The following PEDS1 variants were observed in gnomAD, a reference collection of about 807,000 sequenced individuals.
The protein encoded by PEDS1 is plasmanylethanolamine desaturase 1.
PEDS1 carries 14 observed loss-of-function variants against 35.2 expected under a neutral mutation model. The observed-to-expected ratio is 0.40, with a 90% CI of 0.26 to 0.62. PEDS1 has a LOEUF of 0.62. Ranked by LOEUF, PEDS1 falls within the 20% of genes least tolerant of loss-of-function variation. PEDS1 has a pLI of 0.44. For missense variants in PEDS1, 260 were observed against 367.8 expected (o/e 0.71, Z 2.40); for synonymous variants, 152 against 152.0 (o/e 1.00, Z 0.00).
chr20:50,133,726 C>T (rs556875609), intron 2 of PEDS1, among the ~76,000 whole-genome samples: 2 of 152,272 alleles, frequency 1.3e-5, no homozygotes, highest in Non-Finnish European at 2.9e-5. Context: ...CTGGCTAAAG[C>T]CATCCTTCCG....
intron 1 of PEDS1, chr20:50,151,178 T>C: frequency 8.3e-7 from 1 of 1,209,010 alleles, no homozygotes; most frequent in Non-Finnish European, 1.1e-6. Context: ...GAAAGGAAGT[T>C]GGAGAAACCA....
At position 50,123,143 on chromosome 20, in the gene PEDS1, C is replaced by T. The variant is rs2081065350; in HGVS notation, c.*1915G>A. On this transcript the variant is annotated 3_prime_UTR_variant, in exon 6 of 6. Coordinates refer to ENST00000371652, the MANE Select transcript of PEDS1 (RefSeq NM_199129.4). Reference sequence around the variant, plus strand: ...AAAATGACCAGCAGGTCCCCACTCACCTCAGCCTATGAGTCTCTGTATACC... The same window carrying T: ...AAAATGACCAGCAGGTCCCCACTCATCTCAGCCTATGAGTCTCTGTATACC... 6.6e-6 allele frequency: 1 copy of T among 152,230 alleles called. No homozygotes were observed. The highest frequency in any genetic ancestry group is 2.4e-5 in the African/African-American group (1 of 41,418). 9.4% of individuals were successfully genotyped at this position (152,230 alleles called of 1,614,324 possible). A position where few individuals can be genotyped will look rare whatever the true frequency, so the allele number is the denominator to read the frequency against.
At chr20:50,133,100 A>C (rs1165222173) in intron 2 of PEDS1, among the ~76,000 whole-genome samples, 2 of 152,148 alleles carry the variant, frequency 1.3e-5, no homozygotes, top group Non-Finnish European at 2.9e-5. Flanking sequence ...TCTTGGGGGT[A>C]CTGTGGAGAC....
chr20:50,153,340 G>A (rs952190103), intron 1 of PEDS1, among the ~76,000 whole-genome samples, 177 bp downstream of exon 1: 1 of 152,124 alleles, frequency 6.6e-6, no homozygotes, highest in East Asian at 1.9e-4. Flanking sequence ...CGGGGCCAAG[G>A]TTCTGGCTTG....
At chr20:50,138,411 T>C (rs1293167365) in intron 2 of PEDS1, among the ~76,000 whole-genome samples, 1 of 152,158 alleles carries the variant, frequency 6.6e-6, no homozygotes, top group East Asian at 1.9e-4. Flanking sequence ...TGGGGACATT[T>C]ACCTCCCTTA....
intron 1 of PEDS1, among the ~76,000 whole-genome samples, chr20:50,145,098 A>C (rs1170440799): frequency 1.3e-5 from 2 of 152,100 alleles, no homozygotes; most frequent in South Asian, 2.1e-4. Flanking sequence ...GCTATTCGGG[A>C]GGCTGAGGCA....
intron 1 of PEDS1, among the ~76,000 whole-genome samples, chr20:50,148,579 C>G (rs370496461): frequency 6.6e-6 from 1 of 152,170 alleles, no homozygotes; most frequent in Non-Finnish European, 1.5e-5. Flanking sequence ...TGGGGTCATG[C>G]CTTTGTCATC....
rs564962233 is a variant in PEDS1, at chr20:50,138,146, T to A, written c.241+5356A>T. On this transcript the variant is annotated intron_variant, in intron 2 of 5. Coordinates refer to ENST00000371652, the MANE Select transcript of PEDS1 (RefSeq NM_199129.4). ...GGGACTCTCTGTACTATCTGCCCCA[T>A]CCTTCTGTAAGTTGAAAACTTGTTC... 6.6e-5 allele frequency among the ~76,000 whole-genome samples: 10 copies of A among 152,324 alleles called. No homozygotes were observed. In the East Asian group the frequency reaches 1.9e-3, roughly 29 times the overall value.
rs779476429 is a variant in PEDS1, at chr20:50,128,135, G to C, written c.531C>G (p.Ile177Met). ...GGATCTGGTTGGTGAAGGTGCCGAAGATGATCAGGCAGAAGACGAAGCACT... is the reference window on the plus strand; with the variant it reads ...GGATCTGGTTGGTGAAGGTGCCGAACATGATCAGGCAGAAGACGAAGCACT... ...PWECFVFCLI[I>M]FGTFTNQIHK... Residue 177 changes from isoleucine to methionine, a missense_variant, in exon 5 of 6, where the codon ATC becomes ATG. Ile to Met is a conservative substitution (Grantham distance 10). This residue lies in a region of PEDS1 where 83 missense variants were observed against 142.8 expected (regional missense o/e 0.58). Coordinates refer to ENST00000371652, the MANE Select transcript of PEDS1 (RefSeq NM_199129.4). The surrounding 1 kb of genome is among the most constrained non-coding windows in gnomAD (Gnocchi z 5.2). The C allele has an allele frequency of 6.2e-7, 1 of 1,614,190 alleles. No homozygotes were observed. The highest frequency in any genetic ancestry group is 8.5e-7 in the Non-Finnish European group (1 of 1,180,038).
At chr20:50,144,081 T>C (rs1177826742) in intron 1 of PEDS1, among the ~76,000 whole-genome samples, 2 of 152,086 alleles carry the variant, frequency 1.3e-5, no homozygotes, top group Non-Finnish European at 2.9e-5. Context: ...TCTGTACCCA[T>C]TTCACAGATG....
chr20:50,140,898 C>G (rs1258164630), intron 2 of PEDS1, among the ~76,000 whole-genome samples: 3 of 152,148 alleles, frequency 2.0e-5, no homozygotes, highest in Non-Finnish European at 4.4e-5. Context: ...TGTGCAAACA[C>G]CATTATCAGG....
chr20:50,121,185 G>A lies in PEDS1; in HGVS notation c.*3873C>T, dbSNP rs1601200497. On this transcript the variant is annotated 3_prime_UTR_variant, in exon 6 of 6. Coordinates refer to ENST00000371652, the MANE Select transcript of PEDS1 (RefSeq NM_199129.4). ...TGGCTCCTGTTTAACCAGCTGCTGT[G>A]AGTAGCAGCTGCCCTTTAGGCCTGA... The A allele has an allele frequency of 6.6e-6, 1 of 152,210 alleles. No individual in the cohort carries two copies. Among genetic ancestry groups the A allele is most frequent in the Non-Finnish European group, 1.5e-5 (1 of 68,042 alleles). 9.4% of individuals were successfully genotyped at this position (152,210 alleles called of 1,614,324 possible).
At chr20:50,142,415 C>G (rs2081299820) in intron 2 of PEDS1, among the ~76,000 whole-genome samples, 1 of 152,056 alleles carries the variant, frequency 6.6e-6, no homozygotes, top group Admixed American at 6.6e-5. Flanking sequence ...ACAGTGTTAA[C>G]AACAGAAAAG....
rs2081300896 is a variant in PEDS1 at position 50,142,500 on chromosome 20, T to C, written c.241+1002A>G. Among the ~76,000 whole-genome samples, 3 of 152,276 alleles carry C rather than the reference T, an allele frequency of 2.0e-5. No homozygotes were observed. The East Asian group carries it at 5.8e-4, about 29-fold the overall frequency. Reference sequence around the variant, plus strand: ...CTGCCTGGGCTGAAGTGCTGTGGCGTGATCTTGGCTCACTGCAACCTCCGC... The same window carrying C: ...CTGCCTGGGCTGAAGTGCTGTGGCGCGATCTTGGCTCACTGCAACCTCCGC... On this transcript the variant is annotated intron_variant, in intron 2 of 5. Coordinates refer to ENST00000371652, the MANE Select transcript of PEDS1 (RefSeq NM_199129.4).
chr20:50,151,272 A>T (rs1185561494), intron 1 of PEDS1: 21 of 1,304,228 alleles, frequency 1.6e-5, no homozygotes, highest in Non-Finnish European at 2.1e-5. Flanking sequence ...GGCTGTCTGC[A>T]GACTCTGATT....
chr20:50,124,785 AC>A lies in PEDS1; in HGVS notation c.*272del, dbSNP rs1010985698. ...CGGCAGGCGTGCAGGGAGTGGGTAA[AC>A]CTCCTCTCTACCAGGGGAGGCTGGC... On this transcript the variant is annotated 3_prime_UTR_variant, in exon 6 of 6. Transcript: ENST00000371652. The A allele has an allele frequency of 7.9e-6, 3 of 378,742 alleles. No homozygotes were observed. The highest frequency in any genetic ancestry group is 6.2e-5 in the African/African-American group (3 of 48,652). The allele number at this position is 378,742 out of a possible 1,614,324, so 23.5% of individuals were successfully genotyped here.
chr20:50,142,682 GCCCCCCCCC>G (rs3091914), intron 2 of PEDS1, among the ~76,000 whole-genome samples: 1 of 33,932 alleles, frequency 2.9e-5, no homozygotes, highest in Non-Finnish European at 5.6e-5. Context: ...CAAGTCATCC[GCCCCCCCCC>G]CCCCGCCCCA....
chr20:50,140,474 T>C (rs1039372270), intron 2 of PEDS1, among the ~76,000 whole-genome samples: 2 of 152,170 alleles, frequency 1.3e-5, no homozygotes, highest in Non-Finnish European at 2.9e-5. Flanking sequence ...CTTTGATCAA[T>C]TTCCTCCAGC....
rs1458703727 is a variant in PEDS1, at chr20:50,120,090, A to AC, written c.*4967dup. On this transcript the variant is annotated 3_prime_UTR_variant, in exon 6 of 6. Transcript: ENST00000371652. ...AGACTACCCTGGGCAACATAGCGAG[A>AC]CCCCATCTCTAAAAAAAAAAAAAAA... The AC allele has an allele frequency of 5.8e-5, 6 of 102,992 alleles. No individual in the cohort carries two copies. The highest frequency in any genetic ancestry group is 1.1e-4 in the Non-Finnish European group (6 of 53,820). The allele number at this position is 102,992 out of a possible 1,614,324, so 6.4% of individuals were successfully genotyped here.
Sources: gnomAD v4.1 joint callset for allele counts (sites outside exome capture counted in the v4.1 genomes callset) on GRCh38, gnomAD v4.1.1 for gene constraint, gnomAD v4.1.1 regional missense constraint, Gnocchi (gnomAD v3.1) non-coding constraint, MANE v1.5 for transcripts, NCBI Gene and HGNC (gene_info 2026-07-23, HGNC 2026-07-21) for gene names.